The following EXPH5 variants were observed in gnomAD, a reference collection of about 807,000 sequenced individuals.
EXPH5 encodes the protein exophilin-5.
Under a neutral mutation model 41.1 loss-of-function variants are expected in EXPH5, and 42 were observed. The ratio of observed to expected loss-of-function variants is 1.02; its 90% CI spans 0.80 to 1.32. The LOEUF is 1.32. Among genes scored for constraint, EXPH5 ranks in the 40% most tolerant of loss-of-function variants. EXPH5 has a pLI of 0.00. For missense variants in EXPH5, 2,298 were observed against 2,314.5 expected (o/e 0.99, Z 0.15); for synonymous variants, 798 against 833.5 (o/e 0.96, Z 0.73).
chr11:108,576,728 T>G (rs1024252201), intron 1 of EXPH5, among the ~76,000 whole-genome samples: 1 of 152,206 alleles, frequency 6.6e-6, no homozygotes, highest in African/African-American at 2.4e-5. Context: ...ATCATTTCTT[T>G]GTGTTGGAAA....
chr11:108,505,750 C>T lies in EXPH5; in HGVS notation c.*3787G>A, dbSNP rs969589940. 1.3e-5 allele frequency: 2 copies of T among 152,140 alleles called. No individual in the cohort carries two copies. Among genetic ancestry groups the T allele is most frequent in the South Asian group, 2.1e-4 (1 of 4,824 alleles). The allele number at this position is 152,140 out of a possible 1,614,324, so 9.4% of individuals were successfully genotyped here. On this transcript the variant is annotated 3_prime_UTR_variant, in exon 6 of 6. Coordinates refer to ENST00000265843, the MANE Select transcript of EXPH5 (RefSeq NM_015065.3). ...CTCTAAGCAAGAAGTTCTCTTAAAC[C>T]CTCTGGCACTTAACAAAGAATATTA...
chr11:108,538,358 G>T, intron 3 of EXPH5: 1 of 499,896 alleles, frequency 2.0e-6, no homozygotes, highest in Non-Finnish European at 2.6e-6. Context: ...AGCCTTGCTT[G>T]TTTTTCACAA....
chr11:108,519,921 A>G (rs2135954765), intron 4 of EXPH5, among the ~76,000 whole-genome samples: 2 of 132,392 alleles, frequency 1.5e-5, no homozygotes, highest in East Asian at 5.1e-4. Context: ...ACTGCACTCC[A>G]GGCTGGGAGA....
intron 1 of EXPH5, among the ~76,000 whole-genome samples, chr11:108,563,831 G>A (rs1337029561): frequency 6.6e-6 from 1 of 152,198 alleles, no homozygotes; most frequent in Non-Finnish European, 1.5e-5. Flanking sequence ...TGCAGCAAGC[G>A]GTGGCTGTGT....
chr11:108,590,723 T>G (rs568027822), intron 1 of EXPH5, among the ~76,000 whole-genome samples: 3 of 152,342 alleles, frequency 2.0e-5, no homozygotes, highest in African/African-American at 7.2e-5. Flanking sequence ...CATAGTTCAC[T>G]GCAGCCTTGA....
upstream of EXPH5, among the ~76,000 whole-genome samples, chr11:108,595,677 G>A (rs183691144): frequency 6.6e-6 from 1 of 152,300 alleles, no homozygotes. Flanking sequence ...CAGTATATCT[G>A]AAGTATTAAC....
At chr11:108,536,180 T>C (rs2093878341) in intron 3 of EXPH5, among the ~76,000 whole-genome samples, 1 of 152,198 alleles carries the variant, frequency 6.6e-6, no homozygotes, top group Non-Finnish European at 1.5e-5. Context: ...GCCAATCATT[T>C]ACAAATAGGA....
At chr11:108,591,039 C>A (rs2094126292) in intron 1 of EXPH5, among the ~76,000 whole-genome samples, 1 of 152,186 alleles carries the variant, frequency 6.6e-6, no homozygotes, top group Non-Finnish European at 1.5e-5. Flanking sequence ...ATCAGCCATT[C>A]CCCAACCTGC....
intron 1 of EXPH5, among the ~76,000 whole-genome samples, chr11:108,559,651 T>A (rs1018803491): frequency 1.3e-5 from 2 of 152,234 alleles, no homozygotes; most frequent in Non-Finnish European, 2.9e-5. Context: ...GCATCTCTCC[T>A]TCATTTTCAT....
At chr11:108,527,551 G>A (rs533450061) in intron 4 of EXPH5, among the ~76,000 whole-genome samples, 47 of 152,232 alleles carry the variant, frequency 3.1e-4, no homozygotes, top group African/African-American at 1.0e-3. Flanking sequence ...CAAACCATAC[G>A]AGTTACACAG....
chr11:108,605,697 G>A, the EXPH5 span, among the ~76,000 whole-genome samples: 7 of 152,304 alleles, frequency 4.6e-5, no homozygotes, highest in South Asian at 4.1e-4. Context: ...CTAACTCTGC[G>A]TCCTTTGAAA....
intron 1 of EXPH5, among the ~76,000 whole-genome samples, chr11:108,568,498 C>G (rs971976570): frequency 6.6e-6 from 1 of 152,194 alleles, no homozygotes; most frequent in Non-Finnish European, 1.5e-5. Context: ...GCTTTGAAAT[C>G]TGTCCACACC....
chr11:108,545,384 G>A (rs1306104657), intron 1 of EXPH5, among the ~76,000 whole-genome samples: 1 of 152,138 alleles, frequency 6.6e-6, no homozygotes, highest in Non-Finnish European at 1.5e-5. Flanking sequence ...GGCATACAAT[G>A]GTAAGCAAAG....
chr11:108,598,403 A>C (rs2094141625), upstream of EXPH5, among the ~76,000 whole-genome samples: 2 of 152,194 alleles, frequency 1.3e-5, no homozygotes, highest in African/African-American at 2.4e-5. Context: ...CAGGTGCTGG[A>C]AATGCAGAGG....
chr11:108,556,637 A>T (rs1174859546), intron 1 of EXPH5, among the ~76,000 whole-genome samples: 1 of 151,924 alleles, frequency 6.6e-6, no homozygotes, highest in Non-Finnish European at 1.5e-5. Context: ...AACCACGCCC[A>T]GCTAATTTTG....
rs1449982689 is a variant in EXPH5 at position 108,512,757 on chromosome 11, G to A, written c.2750C>T (p.Ser917Leu). 10 of 1,613,680 alleles carry A rather than the reference G, an allele frequency of 6.2e-6. No homozygotes were observed. The highest frequency in any genetic ancestry group is 2.2e-5 in the East Asian group (1 of 44,872). ...SRRSPSDKDP[S>L]LGEREEKDNA... The stretch of plus-strand genomic sequence containing the variant: ...GTCTTTTTCTTCTCTTTCTCCTAGC[G>A]ATGGATCTTTGTCTGAAGGACTTCT... The change falls in exon 6 of 6, where the codon TCG becomes TTG. Residue 917 changes from serine (S) to leucine (L), a missense_variant. Physicochemically the swap from Ser to Leu is moderately radical, Grantham distance 145 (BLOSUM62 -2). Transcript: ENST00000265843.
Position 108,575,689 on chromosome 11 carries a change from G to C in EXPH5, c.119+17729C>G, listed in dbSNP as rs565967920. Among the ~76,000 whole-genome samples the C allele has an allele frequency of 1.6e-4, 24 of 152,258 alleles. 1 individual carries two copies. In the South Asian group the frequency reaches 4.4e-3, roughly 28 times the overall value. On this transcript the variant is annotated intron_variant, in intron 1 of 5. Transcript: ENST00000265843. ...CAACTGTGTTAAAAGTAATGTGGGC[G>C]AAGGCTGGGTGCGGTGGCTCATGCC...
chr11:108,569,522 TAG>T (rs1262268098), intron 1 of EXPH5, among the ~76,000 whole-genome samples: 1 of 151,964 alleles, frequency 6.6e-6, no homozygotes, highest in African/African-American at 2.4e-5. Flanking sequence ...GTATTTTGAG[TAG>T]AGACAGGGGT....
chr11:108,566,615 G>T (rs944034022), intron 1 of EXPH5, among the ~76,000 whole-genome samples: 4 of 152,110 alleles, frequency 2.6e-5, no homozygotes, highest in African/African-American at 9.7e-5. Flanking sequence ...CATTTTGGGA[G>T]GCCGAGGTGG....
Sources: allele counts gnomAD v4.1 joint callset (sites outside exome capture counted in the v4.1 genomes callset), GRCh38; gene constraint gnomAD v4.1.1; transcripts MANE v1.5; gene names NCBI Gene and HGNC (gene_info 2026-07-23, HGNC 2026-07-21).